The following TRIM37 variants were observed in gnomAD, a reference collection of about 807,000 sequenced individuals.
The protein encoded by TRIM37 is E3 ubiquitin-protein ligase TRIM37.
Under a neutral mutation model 129.8 loss-of-function variants are expected in TRIM37, and 80 were observed. The observed-to-expected ratio is 0.62, with a 90% CI of 0.51 to 0.74. TRIM37 has a LOEUF of 0.74. TRIM37 is among the 30% of genes least tolerant of loss of function. The pLI is 0.00. For missense variants in TRIM37, 1,054 were observed against 1,176.5 expected (o/e 0.90, Z 1.52); for synonymous variants, 389 against 387.1 (o/e 1.00, Z -0.06).
downstream of TRIM37, among the ~76,000 whole-genome samples, chr17:58,995,686 C>T (rs894678029): frequency 6.6e-6 from 1 of 152,162 alleles, no homozygotes; most frequent in African/African-American, 2.4e-5. Flanking sequence ...TAAAACATTA[C>T]AGTAATAATT....
chr17:59,104,848 T>C (rs567838364), intron 1 of TRIM37, among the ~76,000 whole-genome samples: 1 of 152,124 alleles, frequency 6.6e-6, no homozygotes, highest in Admixed American at 6.5e-5. Context: ...TCCTAGCACT[T>C]TGGGAGGCTG....
rs536135831 is a variant in TRIM37 at position 59,006,503 on chromosome 17, T to C, written c.2696-4789A>G. On this transcript the variant is annotated intron_variant, in intron 22 of 23. Coordinates refer to ENST00000262294, the MANE Select transcript of TRIM37 (RefSeq NM_015294.6). ...CTAGTCACCAACAATTTATCTGCCT[T>C]TCTCCTTTCGAAGAGGACCCTGATA... Among the ~76,000 whole-genome samples, 4 of 152,328 alleles carry C rather than the reference T, an allele frequency of 2.6e-5. No homozygotes were observed. In the East Asian group the frequency reaches 5.8e-4, roughly 22 times the overall value.
At chr17:59,073,050 C>A (rs1052337469) in intron 8 of TRIM37, 25 of 151,956 alleles carry the variant, frequency 1.6e-4, no homozygotes, top group African/African-American at 5.8e-4. Context: ...CATACATACA[C>A]ACATAATACA....
At chr17:59,056,737 A>G in intron 13 of TRIM37, 138 bp downstream of exon 13, 1 of 440,410 alleles carries the variant, frequency 2.3e-6, no homozygotes. Flanking sequence ...AAAAAAAAAA[A>G]AAAAAAAAAA....
intron 4 of TRIM37, among the ~76,000 whole-genome samples, chr17:59,086,467 G>A (rs1380160654): frequency 6.6e-6 from 1 of 152,054 alleles, no homozygotes; most frequent in African/African-American, 2.4e-5. Flanking sequence ...TCGAACTCCT[G>A]ACCTTAGGTG....
intron 7 of TRIM37, 107 bp downstream of exon 7, chr17:59,079,647 T>C (rs1036776421): frequency 9.0e-6 from 13 of 1,452,316 alleles, no homozygotes; most frequent in Admixed American, 1.7e-5. Context: ...TGGAGTTGCC[T>C]AAAATCTCAA....
intron 5 of TRIM37, among the ~76,000 whole-genome samples, chr17:59,081,937 C>T (rs529539837): frequency 2.0e-5 from 1 of 48,904 alleles, no homozygotes; most frequent in African/African-American, 8.5e-5. Context: ...TAATAAAAAC[C>T]AAAAAAAAAA....
Position 59,027,954 on chromosome 17 carries a change from T to A in TRIM37, c.2257+461A>T, listed in dbSNP as rs540560375. ...TACCCAGAACACTGCTTGCCCTAGA[T>A]CTATAAATAGCTGCCACCTTCCTAA... On this transcript the variant is annotated intron_variant, in intron 19 of 23. Transcript: ENST00000262294. Among the ~76,000 whole-genome samples, 252 of 152,316 alleles carry A rather than the reference T, an allele frequency of 1.7e-3. 4 individuals are homozygous for A. In the South Asian group the frequency reaches 0.018, roughly 11 times the overall value.
downstream of TRIM37, among the ~76,000 whole-genome samples, chr17:58,997,646 G>T (rs989857667): frequency 2.0e-5 from 3 of 152,142 alleles, no homozygotes; most frequent in Non-Finnish European, 1.5e-5. Context: ...TTCCAGGAAT[G>T]AACTTGAGAT....
At chr17:58,980,415 A>G (rs1185916388), downstream of TRIM37, 1 of 1,614,040 alleles carries the variant, frequency 6.2e-7, no homozygotes, top group African/African-American at 1.3e-5. This position sits in a 1 kb window ranked among gnomAD's most constrained non-coding sequence, Gnocchi z 4.7. Flanking sequence ...TCATTCACTG[A>G]TAGAACTAGC....
At chr17:58,996,229 T>C (rs2032979277), downstream of TRIM37, among the ~76,000 whole-genome samples, 1 of 152,058 alleles carries the variant, frequency 6.6e-6, no homozygotes, top group Admixed American at 6.6e-5. Context: ...TCCAGCACTT[T>C]GGGAGGCCGA....
At chr17:59,028,270 T>C (rs2037450646) in intron 19 of TRIM37, 145 bp downstream of exon 19, 1 of 725,708 alleles carries the variant, frequency 1.4e-6, no homozygotes, top group African/African-American at 1.8e-5. Context: ...ACGGAATCAA[T>C]TTTGGATGAA....
At position 59,015,706 on chromosome 17, in the gene TRIM37, T is replaced by C. The variant is rs1262239071; in HGVS notation, c.2480A>G (p.Asp827Gly). The C allele has an allele frequency of 6.2e-7, 1 of 1,614,070 alleles. No individual in the cohort carries two copies. Residue 827 changes from aspartate to glycine, a missense_variant, in exon 21 of 24, where the codon GAC becomes GGC. Around this residue, in one of 3 missense-constraint regions of TRIM37, gnomAD observed 287 missense variants for 274.3 expected, o/e 1.05. Transcript: ENST00000262294. The stretch of plus-strand genomic sequence containing the variant: ...TGAATCCAAAGCTTTACACTGCCGG[T>C]CTTCAGTTTTTGGCAGAATATCACC... ...SIGDILPKTE[D>G]RQCKALDSDA... is the part of the protein sequence containing the mutation.
At chr17:59,015,269 G>A (rs546804417) in intron 21 of TRIM37, among the ~76,000 whole-genome samples, 28 of 151,558 alleles carry the variant, frequency 1.8e-4, no homozygotes, top group Admixed American at 1.5e-3. Context: ...GCAAAACCTC[G>A]TCTCTACTAA....
intron 22 of TRIM37, among the ~76,000 whole-genome samples, chr17:59,011,570 A>T (rs1381951593): frequency 6.6e-6 from 1 of 152,240 alleles, no homozygotes; most frequent in Non-Finnish European, 1.5e-5. Context: ...GAGAGTTGAC[A>T]TTCTTTTCTA....
chr17:59,085,928 G>C (rs1337550562), intron 4 of TRIM37, among the ~76,000 whole-genome samples: 4 of 152,108 alleles, frequency 2.6e-5, no homozygotes, highest in Non-Finnish European at 5.9e-5. Context: ...AAATAAACCA[G>C]TTACAAAAAG....
chr17:59,054,394 C>T (rs959971625), intron 13 of TRIM37, among the ~76,000 whole-genome samples: 12 of 151,922 alleles, frequency 7.9e-5, no homozygotes, highest in African/African-American at 2.7e-4. Context: ...ATCTGCCTCC[C>T]GGACTCAAGC....
At chr17:59,032,957 A>C (rs2145651561) in intron 17 of TRIM37, among the ~76,000 whole-genome samples, 1 of 152,294 alleles carries the variant, frequency 6.6e-6, no homozygotes, top group African/African-American at 2.4e-5. Flanking sequence ...AGACATCTGT[A>C]GGCAGATATT....
the TRIM37 span, among the ~76,000 whole-genome samples, chr17:58,975,279 T>G: frequency 6.6e-6 from 1 of 152,214 alleles, no homozygotes; most frequent in Admixed American, 6.5e-5. Context: ...GTTACAGAAC[T>G]AACTTAATAG....
Sources: allele counts gnomAD v4.1 joint callset (sites outside exome capture counted in the v4.1 genomes callset), GRCh38; gene constraint gnomAD v4.1.1; regional missense constraint gnomAD v4.1.1; non-coding constraint Gnocchi (gnomAD v3.1); transcripts MANE v1.5; gene names NCBI Gene and HGNC (gene_info 2026-07-23, HGNC 2026-07-21).